TSPAN5: variants seen among roughly 807,000 people sequenced by gnomAD.
TSPAN5 encodes tetraspanin-5.
Under a neutral mutation model 37.1 loss-of-function variants are expected in TSPAN5, and 10 were observed. The ratio of observed to expected loss-of-function variants is 0.27; its 90% CI spans 0.17 to 0.46. TSPAN5 has a LOEUF of 0.46. Among genes scored for constraint, TSPAN5 ranks in the 20% least tolerant of loss-of-function variants. The pLI, the probability that TSPAN5 is intolerant of heterozygous loss-of-function variation, is 1.00. For synonymous variants in TSPAN5, 110 were observed against 118.9 expected, an observed-to-expected ratio of 0.93 and a Z score of 0.48; for missense variants, 195 against 326.6, an observed-to-expected ratio of 0.60 and a Z score of 3.11.
intron 1 of TSPAN5, among the ~76,000 whole-genome samples, chr4:98,616,416 C>T (rs1756338639): frequency 6.6e-6 from 1 of 152,212 alleles, no homozygotes; most frequent in Middle Eastern, 3.4e-3. Flanking sequence ...TGGGTGACGG[C>T]ATTTCAGCAT....
chr4:98,582,476 C>CA (rs995320950), intron 1 of TSPAN5, among the ~76,000 whole-genome samples: 84 of 152,358 alleles, frequency 5.5e-4, no homozygotes, highest in African/African-American at 1.9e-3. Context: ...CATAGAAAAT[C>CA]ACGCAAAGAG....
intron 1 of TSPAN5, among the ~76,000 whole-genome samples, chr4:98,531,748 A>T (rs1423843258): frequency 6.6e-6 from 1 of 152,098 alleles, no homozygotes; most frequent in Non-Finnish European, 1.5e-5. Flanking sequence ...CTTTTTAATG[A>T]TCGCCATTCT....
chr4:98,599,255 G>A lies in TSPAN5; in HGVS notation c.81+58891C>T, dbSNP rs145320259. Among the ~76,000 whole-genome samples, 29 of 152,124 alleles carry A rather than the reference G, an allele frequency of 1.9e-4. No individual in the cohort carries two copies. The East Asian group carries it at 2.5e-3, about 13-fold the overall frequency. On this transcript the variant is annotated intron_variant, in intron 1 of 7. Coordinates refer to ENST00000305798, the MANE Select transcript of TSPAN5 (RefSeq NM_005723.4). ...TCCTGGGCTCAAGGGACCCTCCTGC[G>A]TCAGCCTCCTGAGTAGGTAAGACTA...
rs145041205 is a variant in TSPAN5, at chr4:98,476,571, C to T, written c.577-111G>A. ...ATTAGTAATAAAATGTGTATCTGGGCACAAAGACTGCAGCACTATGTTAAA... is the reference window on the plus strand; with the variant it reads ...ATTAGTAATAAAATGTGTATCTGGGTACAAAGACTGCAGCACTATGTTAAA... On this transcript the variant is annotated intron_variant, in intron 5 of 7. Transcript: ENST00000305798. The T allele has an allele frequency of 9.3e-4, 887 of 951,972 alleles. 5 individuals carry two copies. The African/African-American group carries it at 0.012, about 13-fold the overall frequency. 59.0% of individuals were successfully genotyped at this position (951,972 alleles called of 1,614,324 possible).
At chr4:98,637,410 G>A (rs574024948) in intron 1 of TSPAN5, among the ~76,000 whole-genome samples, 9 of 152,120 alleles carry the variant, frequency 5.9e-5, no homozygotes, top group Non-Finnish European at 1.3e-4. Context: ...GATTCCAGCA[G>A]TAACTATGGG....
intron 1 of TSPAN5, among the ~76,000 whole-genome samples, chr4:98,549,312 G>T (rs10032277): frequency 0.093 from 1,317 of 14,194 alleles, 12 homozygotes; most frequent in African/African-American, 0.24. Context: ...GTTTTTTTTT[G>T]TTTTTTTTGA....
chr4:98,572,910 T>A (rs1457324910), intron 1 of TSPAN5, among the ~76,000 whole-genome samples: 2 of 152,236 alleles, frequency 1.3e-5, no homozygotes, highest in East Asian at 1.9e-4. Flanking sequence ...TCACAGTGAT[T>A]TGTTTAAAGA....
intron 1 of TSPAN5, among the ~76,000 whole-genome samples, chr4:98,637,804 G>A (rs1560569689): frequency 1.3e-5 from 2 of 152,170 alleles, no homozygotes; most frequent in Non-Finnish European, 2.9e-5. Flanking sequence ...CCAACTTCAA[G>A]ATGATCTAAG....
At position 98,658,152 on chromosome 4, in the gene TSPAN5, T is replaced by C. The variant is rs1757330990; in HGVS notation, c.75A>G (p.Ile25Met). The C allele has an allele frequency of 6.2e-7, 1 of 1,613,440 alleles. No individual in the cohort carries two copies. Among genetic ancestry groups the C allele is most frequent in the African/African-American group, 1.3e-5 (1 of 74,896 alleles). ...IKYFIFGFNV[I>M]FWFLGITFLG... is the part of the protein sequence containing the mutation. ...CAGGAGCGCTCCAACTTACCCAAAA[T>C]ATGACATTGAAGCCAAATATGAAGT... Residue 25 changes from isoleucine to methionine, a missense_variant, in exon 1 of 8, where the codon ATA becomes ATG. Ile to Met is a conservative substitution (Grantham distance 10). Transcript: ENST00000305798.
intron 1 of TSPAN5, among the ~76,000 whole-genome samples, chr4:98,613,642 A>G (rs1220706125): frequency 6.6e-6 from 1 of 152,080 alleles, no homozygotes; most frequent in African/African-American, 2.4e-5. Flanking sequence ...TTTCCCCATA[A>G]AATTCTCTAG....
intron 1 of TSPAN5, among the ~76,000 whole-genome samples, chr4:98,627,886 A>G (rs942962443): frequency 3.3e-5 from 5 of 152,228 alleles, no homozygotes; most frequent in Non-Finnish European, 7.3e-5. Flanking sequence ...GAGGGAAAAA[A>G]ACAACAGCAC....
At chr4:98,498,906 C>G (rs1753278146) in intron 2 of TSPAN5, among the ~76,000 whole-genome samples, 1 of 152,070 alleles carries the variant, frequency 6.6e-6, no homozygotes, top group Non-Finnish European at 1.5e-5. Context: ...TGACCTCGCT[C>G]CCAGATGAGT....
chr4:98,653,059 A>G (rs550510201), intron 1 of TSPAN5, among the ~76,000 whole-genome samples: 11 of 152,288 alleles, frequency 7.2e-5, no homozygotes, highest in African/African-American at 2.4e-4. Flanking sequence ...TTTCATAACC[A>G]TATTTAGCTT....
intron 1 of TSPAN5, among the ~76,000 whole-genome samples, chr4:98,611,748 A>T (rs1756197739): frequency 6.6e-6 from 1 of 152,250 alleles, no homozygotes; most frequent in Non-Finnish European, 1.5e-5. Flanking sequence ...GGTTTGTCCC[A>T]GGCAGGGCTA....
intron 3 of TSPAN5, chr4:98,483,371 C>T (rs1398801706): frequency 1.3e-5 from 2 of 152,190 alleles, no homozygotes; most frequent in Admixed American, 6.5e-5. Context: ...AGCAGTTACT[C>T]ATTAAAAGAA....
intron 1 of TSPAN5, among the ~76,000 whole-genome samples, chr4:98,627,549 C>G (rs1320929996): frequency 1.3e-5 from 2 of 152,162 alleles, no homozygotes; most frequent in Admixed American, 1.3e-4. Flanking sequence ...TTCCCTTACT[C>G]CCCCATTCCT....
intron 1 of TSPAN5, among the ~76,000 whole-genome samples, chr4:98,594,254 G>A (rs1342077609): frequency 7.7e-6 from 1 of 129,634 alleles, no homozygotes; most frequent in African/African-American, 3.6e-5. Flanking sequence ...TGTTGTTGGT[G>A]TATAAGAATG....
intron 1 of TSPAN5, among the ~76,000 whole-genome samples, chr4:98,657,298 T>C (rs62325460): frequency 0.094 from 14,255 of 152,104 alleles, 998 homozygotes; most frequent in African/African-American, 0.19. Flanking sequence ...ATCATTTGAA[T>C]CTTGTGTTAA....
intron 1 of TSPAN5, among the ~76,000 whole-genome samples, chr4:98,591,130 T>C (rs2110207971): frequency 6.6e-6 from 1 of 151,454 alleles, no homozygotes; most frequent in South Asian, 2.1e-4. Flanking sequence ...ATATTTTTTT[T>C]AGGTAGGAAG....
Sources: gnomAD v4.1 joint callset for allele counts (sites outside exome capture counted in the v4.1 genomes callset) on GRCh38, gnomAD v4.1.1 for gene constraint, MANE v1.5 for transcripts, NCBI Gene and HGNC (gene_info 2026-07-23, HGNC 2026-07-21) for gene names.